Variants in GABRB1 observed in about 807,000 individuals in gnomAD.
GABRB1 encodes gamma-aminobutyric acid receptor subunit beta-1.
Under a neutral mutation model 51.6 loss-of-function variants are expected in GABRB1, and 17 were observed. That is an observed-to-expected ratio of 0.33 (90% confidence interval 0.23 to 0.49). The LOEUF is 0.49. Among genes scored for constraint, GABRB1 ranks in the 20% least tolerant of loss-of-function variants. The pLI, the probability that GABRB1 is intolerant of heterozygous loss-of-function variation, is 0.99. For missense variants in GABRB1, 410 were observed against 600.6 expected (o/e 0.68, Z 3.32); for synonymous variants, 247 against 218.9 (o/e 1.13, Z -1.14).
chr4:47,369,464 C>T (rs966984371), intron 5 of GABRB1, among the ~76,000 whole-genome samples: 1 of 149,870 alleles, frequency 6.7e-6, no homozygotes, highest in African/African-American at 2.5e-5. Flanking sequence ...CACACACACT[C>T]ATTTCTACAA....
chr4:47,147,989 T>A (rs560993271), intron 3 of GABRB1, among the ~76,000 whole-genome samples: 5 of 152,204 alleles, frequency 3.3e-5, no homozygotes, highest in South Asian at 2.1e-4. Context: ...TGCAATTTTT[T>A]AAAAATTGAA....
At chr4:47,317,230 C>CA (rs1724926617) in intron 4 of GABRB1, among the ~76,000 whole-genome samples, 1 of 151,878 alleles carries the variant, frequency 6.6e-6, no homozygotes, top group Admixed American at 6.6e-5. Flanking sequence ...CAAATGTCCC[C>CA]AGTGAGGCAA....
intron 4 of GABRB1, among the ~76,000 whole-genome samples, chr4:47,236,327 TAAAA>T (rs796141094): frequency 6.7e-6 from 1 of 148,650 alleles, no homozygotes; most frequent in Non-Finnish European, 1.5e-5. Flanking sequence ...TACAGTCTTG[TAAAA>T]AAAAAAGTCA....
chr4:47,412,050 C>A (rs189682333), intron 8 of GABRB1, among the ~76,000 whole-genome samples: 90 of 152,324 alleles, frequency 5.9e-4, no homozygotes, highest in African/African-American at 2.1e-3. Flanking sequence ...TTAATAGACA[C>A]TCTCACTCTT....
At chr4:47,178,552 C>A (rs971919879) in intron 4 of GABRB1, among the ~76,000 whole-genome samples, 3 of 151,966 alleles carry the variant, frequency 2.0e-5, no homozygotes, top group Admixed American at 2.0e-4. Context: ...TGTTATTGCT[C>A]ATTATTTTCA....
intron 3 of GABRB1, among the ~76,000 whole-genome samples, chr4:47,042,343 A>G (rs1036358813): frequency 2.0e-5 from 3 of 148,240 alleles, no homozygotes; most frequent in African/African-American, 7.4e-5. Flanking sequence ...AGTTTCACAG[A>G]CACAGAATCA....
chr4:47,341,464 A>G (rs933343594), intron 5 of GABRB1, among the ~76,000 whole-genome samples: 1 of 152,120 alleles, frequency 6.6e-6, no homozygotes, highest in African/African-American at 2.4e-5. Context: ...AAGGTGGGTA[A>G]TTTTTCTCTT....
intron 5 of GABRB1, among the ~76,000 whole-genome samples, chr4:47,374,184 G>T (rs1465462408): frequency 6.6e-6 from 1 of 152,188 alleles, no homozygotes; most frequent in Non-Finnish European, 1.5e-5. Flanking sequence ...ACATAATTCT[G>T]CAGGCCAGCC....
chr4:47,413,438 AT>A (rs1728822752), intron 8 of GABRB1, among the ~76,000 whole-genome samples: 1 of 152,222 alleles, frequency 6.6e-6, no homozygotes, highest in Admixed American at 6.5e-5. Flanking sequence ...TACTTCATCT[AT>A]TCAGTGTGTC....
In GABRB1 at chr4:47,256,493, T is replaced by C. The variant is rs190729232; in HGVS notation, c.462-63634T>C. Among the ~76,000 whole-genome samples the C allele has an allele frequency of 5.3e-5, 8 of 152,352 alleles. No individual in the cohort carries two copies. The East Asian group carries it at 1.3e-3, about 26-fold the overall frequency. On this transcript the variant is annotated intron_variant, in intron 4 of 8. Transcript: ENST00000295454. ...ACTGCACTACACGCTCTGCATCTAA[T>C]ATTGTATTAGTCTGTTCTCGCATTG...
intron 3 of GABRB1, among the ~76,000 whole-genome samples, chr4:47,077,440 C>G (rs896666348): frequency 6.6e-6 from 1 of 152,066 alleles, no homozygotes; most frequent in Non-Finnish European, 1.5e-5. Flanking sequence ...AAAATAAAAA[C>G]GAAATAGTTG....
intron 5 of GABRB1, among the ~76,000 whole-genome samples, chr4:47,365,496 G>A (rs1055576513): frequency 3.9e-5 from 6 of 152,096 alleles, no homozygotes; most frequent in African/African-American, 1.2e-4. Context: ...CCAGCGATTA[G>A]CAACACCAGG....
intron 3 of GABRB1, among the ~76,000 whole-genome samples, chr4:47,150,297 A>T (rs1326150127): frequency 7.0e-6 from 1 of 143,834 alleles, no homozygotes; most frequent in African/African-American, 2.6e-5. Context: ...CTGAGATAGG[A>T]TATGAGAATC....
chr4:47,390,244 T>C (rs1208533702), intron 5 of GABRB1, among the ~76,000 whole-genome samples: 2 of 152,218 alleles, frequency 1.3e-5, no homozygotes, highest in East Asian at 1.9e-4. Context: ...CATATTTTAA[T>C]GATTGGCCTA....
chr4:47,234,883 G>C (rs1390418695), intron 4 of GABRB1, among the ~76,000 whole-genome samples: 1 of 152,130 alleles, frequency 6.6e-6, no homozygotes, highest in Non-Finnish European at 1.5e-5. Flanking sequence ...CTGCAAATGT[G>C]CCTCACACTG....
At chr4:47,297,022 T>C (rs376314573) in intron 4 of GABRB1, among the ~76,000 whole-genome samples, 101 of 152,022 alleles carry the variant, frequency 6.6e-4, no homozygotes, top group Admixed American at 1.5e-3. Flanking sequence ...GGGTACATAA[T>C]GAAATGAAGG....
At chr4:47,099,527 T>C (rs1714631350) in intron 3 of GABRB1, among the ~76,000 whole-genome samples, 1 of 152,114 alleles carries the variant, frequency 6.6e-6, no homozygotes, top group South Asian at 2.1e-4. Context: ...ATAATTCTCT[T>C]TCTAAATACA....
chr4:47,081,048 A>G (rs955879787), intron 3 of GABRB1, among the ~76,000 whole-genome samples: 3 of 152,194 alleles, frequency 2.0e-5, no homozygotes, highest in Non-Finnish European at 2.9e-5. Flanking sequence ...CTTTAATCCT[A>G]TATGATTATG....
At chr4:47,072,464 A>G (rs73247633) in intron 3 of GABRB1, among the ~76,000 whole-genome samples, 1 of 152,336 alleles carries the variant, frequency 6.6e-6, no homozygotes, top group Non-Finnish European at 1.5e-5. Context: ...CCAGAGAAAA[A>G]GGAAAGGTTA....
Sources: gnomAD v4.1 joint callset for allele counts (sites outside exome capture counted in the v4.1 genomes callset) on GRCh38, gnomAD v4.1.1 for gene constraint, MANE v1.5 for transcripts, NCBI Gene and HGNC (gene_info 2026-07-23, HGNC 2026-07-21) for gene names.